The following FEZ1 variants were observed in gnomAD, a reference collection of about 807,000 sequenced individuals.
FEZ1 encodes fasciculation and elongation protein zeta-1.
Under a neutral mutation model 49.3 loss-of-function variants are expected in FEZ1, and 20 were observed. That is an observed-to-expected ratio of 0.41 (90% confidence interval 0.29 to 0.59). The LOEUF is 0.59. Among genes scored for constraint, FEZ1 ranks in the 20% least tolerant of loss-of-function variants. FEZ1 has a pLI of 0.36. For missense variants in FEZ1, 413 were observed against 476.0 expected, an observed-to-expected ratio of 0.87 and a Z score of 1.23; for synonymous variants, 170 against 180.9, an observed-to-expected ratio of 0.94 and a Z score of 0.48.
chr11:125,454,798 G>A (rs139827579), intron 6 of FEZ1, among the ~76,000 whole-genome samples: 1,749 of 151,562 alleles, frequency 0.012, 28 homozygotes, highest in African/African-American at 0.029. Context: ...GGGAGATCAC[G>A]AGGTGAGGAG....
chr11:125,457,423 A>AT (rs1362466344), intron 5 of FEZ1, among the ~76,000 whole-genome samples: 30 of 37,572 alleles, frequency 8.0e-4, no homozygotes, highest in African/African-American at 1.2e-3. Flanking sequence ...AAAAAAAAAA[A>AT]AAAAAAATAT....
In FEZ1 at chr11:125,445,993, G is replaced by C; in HGVS notation, c.*102C>G. 4 of 1,213,908 alleles carry C rather than the reference G, an allele frequency of 3.3e-6. No homozygotes were observed. The highest frequency in any genetic ancestry group is 4.9e-6 in the Non-Finnish European group (4 of 816,844). The allele number at this position is 1,213,908 out of a possible 1,614,324, so 75.2% of individuals were successfully genotyped here. ...GTTTAATCCAGGTTAAGCTATACAC[G>C]TTTAAATACATGTCGGAGGTTACAT... On this transcript the variant is annotated 3_prime_UTR_variant, in exon 10 of 10. Transcript: ENST00000278919. The surrounding 1 kb of genome is among the most constrained non-coding windows in gnomAD (Gnocchi z 4.4).
intron 8 of FEZ1, among the ~76,000 whole-genome samples, chr11:125,451,772 C>T (rs1305753577): frequency 6.6e-6 from 1 of 152,220 alleles, no homozygotes. Context: ...TGTTTTCCCT[C>T]ATAGTTCAGA....
chr11:125,462,811 C>A lies in FEZ1; in HGVS notation c.498+673G>T, dbSNP rs772486311. 8.5e-5 allele frequency among the ~76,000 whole-genome samples: 13 copies of A among 152,068 alleles called. No individual in the cohort carries two copies. The Middle Eastern group carries it at 0.01, about 119-fold the overall frequency. ...TCCAGGAGTTTGAGACCAGCCTGGG[C>A]AGCATGGTGAAACCTCATCTCCACT... is the stretch of plus-strand genomic sequence containing the variant. On this transcript the variant is annotated intron_variant, in intron 4 of 9. Transcript: ENST00000278919.
In FEZ1 at chr11:125,445,459, C is replaced by T. The variant is rs559027124; in HGVS notation, c.*636G>A. Among the ~76,000 whole-genome samples the T allele has an allele frequency of 4.6e-5, 7 of 152,326 alleles. No individual in the cohort carries two copies. Among genetic ancestry groups the T allele is most frequent in the East Asian group, 1.9e-4 (1 of 5,178 alleles). On this transcript the variant is annotated 3_prime_UTR_variant, in exon 10 of 10. Transcript: ENST00000278919. The surrounding 1 kb of genome is among the most constrained non-coding windows in gnomAD (Gnocchi z 4.4). ...TCTGCTAATTGCACACTCTCACCCC[C>T]GTCTCACCCACTCTGACCAGCTCCT...
intron 5 of FEZ1, among the ~76,000 whole-genome samples, chr11:125,459,350 G>C (rs1006130161): frequency 2.0e-5 from 3 of 152,140 alleles, no homozygotes; most frequent in Non-Finnish European, 2.9e-5. Flanking sequence ...CCAGCACTTT[G>C]GGAGACCGAG....
Position 125,495,799 on chromosome 11 carries a change from GACACACACAC to G in FEZ1, c.-46+312_-46+321del, listed in dbSNP as rs10524234. On this transcript the variant is annotated intron_variant, in intron 1 of 9. Coordinates refer to ENST00000278919, the MANE Select transcript of FEZ1 (RefSeq NM_005103.5). The surrounding 1 kb of genome is among the most constrained non-coding windows in gnomAD (Gnocchi z 4.2). ...GCACACACGCGGGCACACACACGCGGACACACACACACACACACACACACACACACACACA... is the reference window on the plus strand; with the variant it reads ...GCACACACGCGGGCACACACACGCGGACACACACACACACACACACACACA... 5.0e-3 allele frequency: 1,534 copies of G among 308,992 alleles called. No individual in the cohort carries two copies. The highest frequency in any genetic ancestry group is 0.01 in the Middle Eastern group (9 of 860). 19.1% of individuals were successfully genotyped at this position (308,992 alleles called of 1,614,324 possible).
At position 125,489,963 on chromosome 11, in the gene FEZ1, G is replaced by A. The variant is rs565180398; in HGVS notation, c.-45-141C>T. The A allele has an allele frequency of 8.8e-6, 6 of 685,526 alleles. No individual in the cohort carries two copies. Among genetic ancestry groups the A allele is most frequent in the Non-Finnish European group, 6.6e-6 (3 of 454,084 alleles). The allele number at this position is 685,526 out of a possible 1,614,324, so 42.5% of individuals were successfully genotyped here. A position where few individuals can be genotyped will look rare whatever the true frequency, so the allele number is the denominator to read the frequency against. ...AAGTACGAAGCTCCTGGACAAGATCGTCTAGGTTTGCATTCTGTTCTGTCC... is the reference window on the plus strand; with the variant it reads ...AAGTACGAAGCTCCTGGACAAGATCATCTAGGTTTGCATTCTGTTCTGTCC... On this transcript the variant is annotated intron_variant, in intron 1 of 9. Coordinates refer to ENST00000278919, the MANE Select transcript of FEZ1 (RefSeq NM_005103.5). The surrounding 1 kb of genome is among the most constrained non-coding windows in gnomAD (Gnocchi z 4.2).
At chr11:125,494,606 C>G (rs542293440) in intron 1 of FEZ1, among the ~76,000 whole-genome samples, 3 of 152,304 alleles carry the variant, frequency 2.0e-5, no homozygotes, top group South Asian at 4.1e-4. Context: ...TTTTCTTTTT[C>G]TCTTTACCAC....
At chr11:125,494,391 T>A (rs539367361) in intron 1 of FEZ1, among the ~76,000 whole-genome samples, 1 of 152,344 alleles carries the variant, frequency 6.6e-6, no homozygotes, top group African/African-American at 2.4e-5. Context: ...AGTGCTTTCA[T>A]CCTTCAACTA....
At chr11:125,457,988 C>T (rs1184543465) in intron 5 of FEZ1, among the ~76,000 whole-genome samples, 1 of 152,130 alleles carries the variant, frequency 6.6e-6, no homozygotes, top group African/African-American at 2.4e-5. Flanking sequence ...CAGCTGTTTT[C>T]ACAAGTCTTT....
intron 3 of FEZ1, among the ~76,000 whole-genome samples, chr11:125,477,245 A>G (rs1957240743): frequency 6.6e-6 from 1 of 152,006 alleles, no homozygotes; most frequent in Non-Finnish European, 1.5e-5. Context: ...CTGTAATCCC[A>G]GCACTTTGGG....
chr11:125,481,652 T>C lies in FEZ1; in HGVS notation c.312-19A>G, dbSNP rs778581592. ...CCAAACCCTGTAAACAAAGAGAAGC[T>C]CTCATTAACACACATCTGTGGCCTG... On this transcript the variant is annotated intron_variant, in intron 2 of 9. Transcript: ENST00000278919. 2 of 1,539,998 alleles carry C rather than the reference T, an allele frequency of 1.3e-6. No homozygotes were observed. Among genetic ancestry groups the C allele is most frequent in the Non-Finnish European group, 1.8e-6 (2 of 1,112,778 alleles).
At chr11:125,484,574 A>G (rs2135781851) in intron 2 of FEZ1, among the ~76,000 whole-genome samples, 1 of 152,074 alleles carries the variant, frequency 6.6e-6, no homozygotes, top group African/African-American at 2.4e-5. Flanking sequence ...AGGCTGAGGC[A>G]GGAGAATCAC....
chr11:125,454,289 G>T (rs1956986449), intron 6 of FEZ1, 79 bp from the exon 7 acceptor site: 1 of 1,080,990 alleles, frequency 9.3e-7, no homozygotes. Flanking sequence ...TCAGCTACCA[G>T]GCTGTCCCAG....
chr11:125,446,658 T>C (rs1956901856), intron 9 of FEZ1, among the ~76,000 whole-genome samples: 1 of 151,944 alleles, frequency 6.6e-6, no homozygotes, highest in African/African-American at 2.4e-5. Context: ...GTTGTTGTTG[T>C]TGTTGTTTTG....
At chr11:125,456,324 C>A (rs902118724) in intron 5 of FEZ1, 5 of 433,900 alleles carry the variant, frequency 1.2e-5, no homozygotes, top group African/African-American at 8.0e-5. Context: ...TCTCAGGAAA[C>A]AAAGGAGGAA....
intron 3 of FEZ1, among the ~76,000 whole-genome samples, chr11:125,470,029 T>C (rs1450657549): frequency 4.6e-5 from 7 of 152,082 alleles, no homozygotes; most frequent in Non-Finnish European, 8.8e-5. Flanking sequence ...AGCCTCACTT[T>C]TAAATATGAA....
At chr11:125,464,925 A>C (rs1309806689) in intron 3 of FEZ1, among the ~76,000 whole-genome samples, 1 of 152,138 alleles carries the variant, frequency 6.6e-6, no homozygotes, top group Non-Finnish European at 1.5e-5. Flanking sequence ...ACCGCTCCCC[A>C]CTATGCAGAA....
Sources: allele counts gnomAD v4.1 joint callset (sites outside exome capture counted in the v4.1 genomes callset), GRCh38; gene constraint gnomAD v4.1.1; non-coding constraint Gnocchi (gnomAD v3.1); transcripts MANE v1.5; gene names NCBI Gene and HGNC (gene_info 2026-07-23, HGNC 2026-07-21).